The following PTPRS variants were observed in gnomAD, a reference collection of about 807,000 sequenced individuals.
The protein encoded by PTPRS is protein tyrosine phosphatase receptor type S, also known as receptor-type tyrosine-protein phosphatase S.
PTPRS carries 63 observed loss-of-function variants against 215.3 expected under a neutral mutation model. That is an observed-to-expected ratio of 0.29 (90% CI 0.24 to 0.36). The LOEUF (loss-of-function observed/expected upper bound fraction) is 0.36. Ranked by LOEUF, PTPRS falls within the 10% of genes least tolerant of loss-of-function variation. PTPRS has a pLI of 1.00. For synonymous variants in PTPRS, 1,404 were observed against 1,191.4 expected, an observed-to-expected ratio of 1.18 and a Z score of -3.68; for missense variants, 2,258 against 2,825.8, an observed-to-expected ratio of 0.80 and a Z score of 4.56.
chr19:5,290,238 A>T (rs769579319), intron 1 of PTPRS, among the ~76,000 whole-genome samples: 1 of 152,176 alleles, frequency 6.6e-6, no homozygotes, highest in African/African-American at 2.4e-5. Flanking sequence ...ACTTTTACAG[A>T]TGAGGAAACT....
chr19:5,265,922 CCTTT>C (rs1331985620), intron 4 of PTPRS, among the ~76,000 whole-genome samples: 2 of 151,956 alleles, frequency 1.3e-5, no homozygotes, highest in Non-Finnish European at 2.9e-5. Flanking sequence ...CCTGAGGACG[CCTTT>C]CTTTTTATCT....
chr19:5,223,103 TG>T lies in PTPRS; in HGVS notation c.2688del (p.His896GlnfsTer26). On this transcript the variant is annotated frameshift_variant, in exon 18 of 38. Transcript: ENST00000262963. LOFTEE classifies it high-confidence loss of function. ...SEDRYTASGV[H>X]KGATYVFRLA... is the part of the protein sequence containing the mutation. ...AGCCGGAACACATACGTGGCCCCCT[TG>T]TGCACGCCTGATGCCGTGTAGCGGT... The T allele has an allele frequency of 6.4e-7, 1 of 1,565,692 alleles. No homozygotes were observed. Among genetic ancestry groups the T allele is most frequent in the Non-Finnish European group, 8.7e-7 (1 of 1,155,864 alleles).
chr19:5,207,851 G>C, intron 37 of PTPRS, 71 bp downstream of exon 37: 2 of 1,579,258 alleles, frequency 1.3e-6, no homozygotes, highest in South Asian at 2.3e-5. Flanking sequence ...ATCTCACAGA[G>C]GAGGAAACTG....
intron 2 of PTPRS, among the ~76,000 whole-genome samples, 169 bp from the exon 3 acceptor site, chr19:5,274,513 GC>G (rs909209900): frequency 6.6e-6 from 1 of 151,814 alleles, no homozygotes; most frequent in Non-Finnish European, 1.5e-5. Context: ...CTCCCACCTC[GC>G]CCCCCACCAC....
At chr19:5,276,380 G>A (rs968113765) in intron 2 of PTPRS, among the ~76,000 whole-genome samples, 1 of 151,760 alleles carries the variant, frequency 6.6e-6, no homozygotes, top group East Asian at 1.9e-4. Context: ...GCACCACCAC[G>A]CCTGGCTAAT....
At position 5,301,609 on chromosome 19, in the gene PTPRS, C is replaced by T. The variant is rs1755895114; in HGVS notation, c.-94-15375G>A. Among the ~76,000 whole-genome samples, 4 of 151,970 alleles carry T rather than the reference C, an allele frequency of 2.6e-5. No homozygotes were observed. In the South Asian group the frequency reaches 8.3e-4, roughly 32 times the overall value. ...AGGATTACATGCATGAGCCTCCACA[C>T]CTGGCTGTAAATGCATTTAATGGAT... On this transcript the variant is annotated intron_variant, in intron 1 of 37. Coordinates refer to ENST00000262963, the MANE Select transcript of PTPRS (RefSeq NM_002850.4).
At chr19:5,250,651 G>T (rs2044928405) in intron 9 of PTPRS, among the ~76,000 whole-genome samples, 2 of 147,466 alleles carry the variant, frequency 1.4e-5, no homozygotes, top group Non-Finnish European at 3.0e-5. Flanking sequence ...GGTCGGGAGG[G>T]TGGGCGGTGG....
intron 22 of PTPRS, 64 bp from the exon 23 acceptor site, chr19:5,219,531 TTC>T: frequency 2.0e-6 from 3 of 1,488,898 alleles, no homozygotes; most frequent in Non-Finnish European, 2.7e-6. Context: ...AGATGGGTCT[TTC>T]TCAAACATGA....
intron 2 of PTPRS, among the ~76,000 whole-genome samples, chr19:5,284,588 T>C (rs897151519): frequency 6.6e-6 from 1 of 152,034 alleles, no homozygotes; most frequent in African/African-American, 2.4e-5. Flanking sequence ...GGGATGCTGA[T>C]AATCGCATTC....
At chr19:5,285,584 T>C (rs978519389) in intron 2 of PTPRS, among the ~76,000 whole-genome samples, 9 of 152,222 alleles carry the variant, frequency 5.9e-5, no homozygotes, top group African/African-American at 2.2e-4. Flanking sequence ...TCTGCCTGTG[T>C]GTCTGCCACC....
intron 12 of PTPRS, 98 bp from the exon 13 acceptor site, chr19:5,239,161 G>A: frequency 2.0e-6 from 1 of 504,702 alleles, no homozygotes; most frequent in Non-Finnish European, 3.4e-6. Flanking sequence ...AGAGGGGGGA[G>A]GGGGAGAGAG....
In PTPRS at chr19:5,229,588, C is replaced by T; in HGVS notation, c.2252G>A (p.Gly751Asp). 7.0e-7 allele frequency: 1 copy of T among 1,435,006 alleles called. No homozygotes were observed. Among genetic ancestry groups the T allele is most frequent in the Non-Finnish European group, 9.1e-7 (1 of 1,094,504 alleles). 88.9% of individuals were successfully genotyped at this position (1,435,006 alleles called of 1,614,324 possible). ...WRSPAPGRQH[G>D]QIRGYQVHYV... ...GTGGACCTGGTAGCCGCGGATCTGG[C>T]CGTGCTGCCGGCCGGGCGCGGGCGA... Residue 751 changes from glycine to aspartate, a missense_variant, in exon 15 of 38, where the codon GGC (glycine) becomes GAC (aspartate). Gly to Asp is a moderately conservative substitution (Grantham distance 94). Transcript: ENST00000262963.
At chr19:5,336,949 T>C (rs981851374) in intron 1 of PTPRS, among the ~76,000 whole-genome samples, 3 of 152,120 alleles carry the variant, frequency 2.0e-5, no homozygotes, top group African/African-American at 7.2e-5. Flanking sequence ...CACCCACCCA[T>C]TGGAAGGTGA....
At chr19:5,291,224 G>A (rs2048790194) in intron 1 of PTPRS, among the ~76,000 whole-genome samples, 1 of 152,176 alleles carries the variant, frequency 6.6e-6, no homozygotes, top group Non-Finnish European at 1.5e-5. Context: ...CCTGGAGAGG[G>A]AAATCATTAA....
intron 1 of PTPRS, among the ~76,000 whole-genome samples, chr19:5,325,077 C>T (rs1011821831): frequency 2.0e-5 from 3 of 152,210 alleles, no homozygotes; most frequent in Admixed American, 6.5e-5. Flanking sequence ...TTCCCCTCCC[C>T]GACAATCACT....
rs1459342877 is a variant in PTPRS, at chr19:5,237,666, G to A, written c.1849+1253C>T. On this transcript the variant is annotated intron_variant, in intron 13 of 37. Transcript: ENST00000262963. The surrounding 1 kb of genome is among the most constrained non-coding windows in gnomAD (Gnocchi z 4.2). ...GGCACGCGGGGTGGGCCGTTTTTGT[G>A]AACCTGCTTGAGACCAGCGTGTACT... 6.6e-6 allele frequency among the ~76,000 whole-genome samples: 1 copy of A among 152,138 alleles called. No homozygotes were observed. The highest frequency in any genetic ancestry group is 1.5e-5 in the Non-Finnish European group (1 of 68,002).
chr19:5,273,586 G>C lies in PTPRS; in HGVS notation c.238-3C>G, dbSNP rs2047101481. On this transcript the variant is annotated splice_polypyrimidine_tract_variant and splice_region_variant and intron_variant, in intron 3 of 37. Transcript: ENST00000262963. ...GCACTCTCATCAAACTCAATCGTCTGCCATGGGCAGGGGAAAAAAGAACAG... is the reference window on the plus strand; with the variant it reads ...GCACTCTCATCAAACTCAATCGTCTCCCATGGGCAGGGGAAAAAAGAACAG... The C allele has an allele frequency of 4.3e-6, 7 of 1,614,132 alleles. No individual in the cohort carries two copies. The highest frequency in any genetic ancestry group is 5.9e-6 in the Non-Finnish European group (7 of 1,180,016).
intron 6 of PTPRS, among the ~76,000 whole-genome samples, chr19:5,261,490 C>T (rs930942732): frequency 1.3e-5 from 2 of 152,172 alleles, no homozygotes; most frequent in Non-Finnish European, 2.9e-5. Flanking sequence ...GAAAAGGCGG[C>T]TCGGGGCTGG....
At chr19:5,319,928 G>A (rs1234964740) in intron 1 of PTPRS, among the ~76,000 whole-genome samples, 2 of 151,922 alleles carry the variant, frequency 1.3e-5, no homozygotes, top group African/African-American at 2.4e-5. Flanking sequence ...CACCCCTGAC[G>A]TGCTATATAT....
Sources: gnomAD v4.1 joint callset for allele counts (sites outside exome capture counted in the v4.1 genomes callset) on GRCh38, gnomAD v4.1.1 for gene constraint, Gnocchi (gnomAD v3.1) non-coding constraint, MANE v1.5 for transcripts, NCBI Gene and HGNC (gene_info 2026-07-23, HGNC 2026-07-21) for gene names.